The following INTS7 variants were observed in gnomAD, a reference collection of about 807,000 sequenced individuals.
The protein encoded by INTS7 is integrator complex subunit 7, also known as chromosome 1 open reading frame 73.
INTS7 carries 46 observed loss-of-function variants against 109.2 expected under a neutral mutation model. The observed-to-expected ratio is 0.42, with a 90% CI of 0.33 to 0.54. The LOEUF is 0.54. INTS7 is among the 20% of genes least tolerant of loss of function. The pLI, the probability that INTS7 is intolerant of heterozygous loss-of-function variation, is 0.07. For synonymous variants in INTS7, 412 were observed against 402.9 expected, an observed-to-expected ratio of 1.02 and a Z score of -0.27; for missense variants, 929 against 1,132.4, an observed-to-expected ratio of 0.82 and a Z score of 2.58.
At chr1:212,000,349 T>C (rs1263408894) in intron 7 of INTS7, among the ~76,000 whole-genome samples, 18 of 152,176 alleles carry the variant, frequency 1.2e-4, no homozygotes, top group Admixed American at 1.0e-3. Context: ...CAACTATCGC[T>C]GGAAAAAGTT....
At chr1:211,990,287 A>T (rs1571881189) in intron 7 of INTS7, among the ~76,000 whole-genome samples, 2 of 30,902 alleles carry the variant, frequency 6.5e-5, no homozygotes, top group South Asian at 9.4e-4. Flanking sequence ...ACAGCTGATA[A>T]AAAAAAAAAA....
At position 211,942,044 on chromosome 1, in the gene INTS7, G is replaced by A. The variant is rs369874417; in HGVS notation, c.2669C>T (p.Thr890Ile). 4.0e-5 allele frequency: 65 copies of A among 1,614,152 alleles called. No homozygotes were observed. Among genetic ancestry groups the A allele is most frequent in the East Asian group, 3.8e-4 (17 of 44,882 alleles). ...GATAGCAAAGTTCAACAGAAATTGAGTACTGAAGTAATCATTATGAGGTTC... is the reference window on the plus strand; with the variant it reads ...GATAGCAAAGTTCAACAGAAATTGAATACTGAAGTAATCATTATGAGGTTC... ...RVEPHNDYFS[T>I]QFLLNFAILG... Residue 890 changes from threonine to isoleucine, a missense_variant, in exon 20 of 20, where the codon ACT (threonine) becomes ATT (isoleucine). Coordinates refer to ENST00000366994, the MANE Select transcript of INTS7 (RefSeq NM_015434.4). The surrounding 1 kb of genome is among the most constrained non-coding windows in gnomAD (Gnocchi z 4.2).
At chr1:211,980,240 A>G (rs1004885183) in intron 10 of INTS7, among the ~76,000 whole-genome samples, 4 of 152,142 alleles carry the variant, frequency 2.6e-5, no homozygotes. Context: ...GTTCATCACT[A>G]TGACCATATC....
chr1:212,030,293 GT>G (rs34202107), intron 1 of INTS7, among the ~76,000 whole-genome samples: 6,850 of 142,944 alleles, frequency 0.048, 206 homozygotes, highest in African/African-American at 0.086. Context: ...ATGATTTTTT[GT>G]TTTTTTTTTT....
At chr1:211,989,821 C>CAA (rs199523866) in intron 7 of INTS7, among the ~76,000 whole-genome samples, 21 of 68,118 alleles carry the variant, frequency 3.1e-4, no homozygotes, top group African/African-American at 6.6e-4. Context: ...GACTCCGTTT[C>CAA]AAAAAAAAAA....
chr1:212,027,480 A>C (rs1666980408), intron 1 of INTS7, among the ~76,000 whole-genome samples: 1 of 152,176 alleles, frequency 6.6e-6, no homozygotes, highest in African/African-American at 2.4e-5. Flanking sequence ...CCAAAAAAAA[A>C]CAAAAACAAA....
chr1:211,961,532 A>G (rs1663633309), intron 16 of INTS7, among the ~76,000 whole-genome samples: 1 of 151,268 alleles, frequency 6.6e-6, no homozygotes, highest in Admixed American at 6.6e-5. Flanking sequence ...CGGGTTCAAG[A>G]GATTCTCCTG....
intron 3 of INTS7, among the ~76,000 whole-genome samples, chr1:212,017,608 A>C (rs1250326306): frequency 1.3e-5 from 2 of 152,270 alleles, no homozygotes; most frequent in Non-Finnish European, 2.9e-5. Flanking sequence ...ACATTTAGAA[A>C]GGAAAAAAAT....
intron 7 of INTS7, among the ~76,000 whole-genome samples, chr1:211,993,021 T>C (rs892300981): frequency 3.9e-5 from 6 of 152,182 alleles, no homozygotes; most frequent in African/African-American, 1.2e-4. Context: ...GGTCAATCCC[T>C]AAATAGGGGC....
intron 7 of INTS7, among the ~76,000 whole-genome samples, chr1:212,001,416 T>C (rs185285858): frequency 6.6e-6 from 1 of 152,220 alleles, no homozygotes; most frequent in East Asian, 1.9e-4. Flanking sequence ...CATCCACTGA[T>C]TCAACCAAAT....
In INTS7 at chr1:211,946,383, T is replaced by A. The variant is rs1489451751; in HGVS notation, c.2415+224A>T. Among the ~76,000 whole-genome samples the A allele has an allele frequency of 6.6e-6, 1 of 152,196 alleles. No homozygotes were observed. Among genetic ancestry groups the A allele is most frequent in the Non-Finnish European group, 1.5e-5 (1 of 68,018 alleles). ...CTGTAATCCCAGTTCCTTGGGAGGC[T>A]GAGGCAGGAGAATCGCTTGAACCCG... On this transcript the variant is annotated intron_variant, in intron 18 of 19. Coordinates refer to ENST00000366994, the MANE Select transcript of INTS7 (RefSeq NM_015434.4). The surrounding 1 kb of genome is among the most constrained non-coding windows in gnomAD (Gnocchi z 4.3).
chr1:212,031,871 AAC>A (rs1233149984), intron 1 of INTS7, among the ~76,000 whole-genome samples: 2 of 152,242 alleles, frequency 1.3e-5, no homozygotes, highest in Non-Finnish European at 2.9e-5. Context: ...AATAAAGTAC[AAC>A]AGTTATAAAT....
At position 211,975,417 on chromosome 1, in the gene INTS7, G is replaced by A. The variant is rs186944060; in HGVS notation, c.1609-45C>T. On this transcript the variant is annotated intron_variant, in intron 12 of 19. Coordinates refer to ENST00000366994, the MANE Select transcript of INTS7 (RefSeq NM_015434.4). ...AGAAAAAAGAATAGAAGGAGCACACGGTGAGGTTCTTACATTTGAAAGAGT... is the reference window on the plus strand; with the variant it reads ...AGAAAAAAGAATAGAAGGAGCACACAGTGAGGTTCTTACATTTGAAAGAGT... The A allele has an allele frequency of 1.1e-4, 154 of 1,437,168 alleles. 1 individual carries two copies. In the East Asian group the frequency reaches 3.0e-3, roughly 28 times the overall value. The allele number at this position is 1,437,168 out of a possible 1,614,324, so 89.0% of individuals were successfully genotyped here. A position where few individuals can be genotyped will look rare whatever the true frequency, so the allele number is the denominator to read the frequency against.
In INTS7 at chr1:211,955,046, A is replaced by G. The variant is rs184711306; in HGVS notation, c.2184-2345T>C. On this transcript the variant is annotated intron_variant, in intron 16 of 19. Transcript: ENST00000366994. ...ACCCATGAGCATGGAATGTTCTTCC[A>G]TTTGTATCCTCTTTTATTTCATTGA... is the stretch of plus-strand genomic sequence containing the variant. 7.4e-4 allele frequency among the ~76,000 whole-genome samples: 112 copies of G among 152,054 alleles called. No homozygotes were observed. In the Middle Eastern group the frequency reaches 0.017, roughly 23 times the overall value.
At chr1:212,017,446 T>C (rs1666490490) in intron 3 of INTS7, among the ~76,000 whole-genome samples, 1 of 152,238 alleles carries the variant, frequency 6.6e-6, no homozygotes, top group African/African-American at 2.4e-5. Flanking sequence ...AATCTTTTTT[T>C]CCCACATCAG....
intron 13 of INTS7, among the ~76,000 whole-genome samples, chr1:211,974,298 T>TATAA (rs1664321225): frequency 7.3e-6 from 1 of 137,916 alleles, no homozygotes; most frequent in South Asian, 2.3e-4. Context: ...TATATATATA[T>TATAA]ATATATATAT....
intron 1 of INTS7, among the ~76,000 whole-genome samples, chr1:212,027,467 C>T (rs542774900): frequency 6.6e-6 from 1 of 151,972 alleles, no homozygotes; most frequent in East Asian, 1.9e-4. Flanking sequence ...TTGTATTCTT[C>T]CACCAAAAAA....
chr1:211,973,546 A>G (rs1221366849), intron 13 of INTS7, among the ~76,000 whole-genome samples: 1 of 152,242 alleles, frequency 6.6e-6, no homozygotes, highest in Non-Finnish European at 1.5e-5. Context: ...TGGATCATTC[A>G]CATCAGTAAG....
intron 17 of INTS7, among the ~76,000 whole-genome samples, chr1:211,947,435 A>G (rs545243055): frequency 6.6e-6 from 1 of 152,318 alleles, no homozygotes; most frequent in South Asian, 2.1e-4. Context: ...TGAAAGTATC[A>G]TAAGAACACT....
Sources: allele counts gnomAD v4.1 joint callset (sites outside exome capture counted in the v4.1 genomes callset), GRCh38; gene constraint gnomAD v4.1.1; non-coding constraint Gnocchi (gnomAD v3.1); transcripts MANE v1.5; gene names NCBI Gene and HGNC (gene_info 2026-07-23, HGNC 2026-07-21).